MEIS1: variants seen among roughly 807,000 people sequenced by gnomAD.
MEIS1 encodes the protein Meis homeobox 1.
In MEIS1, 5 loss-of-function variants were observed where a neutral mutation model predicts 50.8. The observed-to-expected ratio is 0.10, with a 90% CI of 0.05 to 0.21. The LOEUF (loss-of-function observed/expected upper bound fraction) is 0.21. MEIS1 is among the 10% of genes least tolerant of loss of function. The pLI is 1.00. For missense variants in MEIS1, 318 were observed against 517.3 expected, an observed-to-expected ratio of 0.61 and a Z score of 3.74; for synonymous variants, 176 against 179.3, an observed-to-expected ratio of 0.98 and a Z score of 0.15.
At chr2:66,457,833 G>A (rs1672428997) in intron 6 of MEIS1, among the ~76,000 whole-genome samples, 1 of 152,216 alleles carries the variant, frequency 6.6e-6, no homozygotes, top group Non-Finnish European at 1.5e-5. Context: ...TGAGTACCAT[G>A]CACACTGGTG....
chr2:66,520,331 A>G (rs1289436167), intron 8 of MEIS1, among the ~76,000 whole-genome samples: 2 of 122,920 alleles, frequency 1.6e-5, no homozygotes, highest in African/African-American at 5.8e-5. Context: ...AAAAAAAAAA[A>G]TTAGCCGGGC....
In MEIS1 at chr2:66,540,717, A is replaced by C. The variant is rs1572890691; in HGVS notation, c.889-7226A>C. Among the ~76,000 whole-genome samples the C allele has an allele frequency of 2.0e-5, 3 of 152,254 alleles. No individual in the cohort carries two copies. In the South Asian group the frequency reaches 6.2e-4, roughly 31 times the overall value. ...AACATAATTTTAGCATCCTTCACGAATGTTAATCCATTTAGGAAGAGGATA... is the reference window on the plus strand; with the variant it reads ...AACATAATTTTAGCATCCTTCACGACTGTTAATCCATTTAGGAAGAGGATA... On this transcript the variant is annotated intron_variant, in intron 8 of 12. Coordinates refer to ENST00000272369, the MANE Select transcript of MEIS1 (RefSeq NM_002398.3).
chr2:66,498,500 A>C (rs1673465723), intron 7 of MEIS1, among the ~76,000 whole-genome samples: 1 of 152,178 alleles, frequency 6.6e-6, no homozygotes, highest in Admixed American at 6.5e-5. Context: ...ATACAGGTTG[A>C]GGAGATAAAG....
chr2:66,523,116 G>C (rs1674166345), intron 8 of MEIS1, among the ~76,000 whole-genome samples: 1 of 152,172 alleles, frequency 6.6e-6, no homozygotes, highest in Non-Finnish European at 1.5e-5. Flanking sequence ...CAATTTAAGG[G>C]AAATATTTAC....
intron 4 of MEIS1, chr2:66,440,927 C>A: frequency 2.3e-6 from 1 of 427,744 alleles, no homozygotes; most frequent in Admixed American, 4.0e-5. Flanking sequence ...TTAAACTTTG[C>A]GGACTTCCTA....
intron 7 of MEIS1, among the ~76,000 whole-genome samples, chr2:66,504,297 G>A (rs1195464030): frequency 6.6e-6 from 1 of 151,662 alleles, no homozygotes; most frequent in Non-Finnish European, 1.5e-5. Flanking sequence ...GCAGTGACGC[G>A]ACCTCAGCTC....
At chr2:66,446,864 C>T (rs1323443650) in intron 6 of MEIS1, among the ~76,000 whole-genome samples, 2 of 152,338 alleles carry the variant, frequency 1.3e-5, no homozygotes, top group East Asian at 1.9e-4. Flanking sequence ...GGGCCCGGTG[C>T]GCTTTGGTTC....
At chr2:66,482,975 C>T (rs1673053280) in intron 7 of MEIS1, among the ~76,000 whole-genome samples, 1 of 152,084 alleles carries the variant, frequency 6.6e-6, no homozygotes, top group South Asian at 2.1e-4. Context: ...CTTTTTTGGA[C>T]ACAGGAACAG....
intron 7 of MEIS1, among the ~76,000 whole-genome samples, chr2:66,492,133 G>A (rs1387207031): frequency 6.7e-6 from 1 of 150,108 alleles, no homozygotes; most frequent in Non-Finnish European, 1.5e-5. Context: ...CCTAGTGGAG[G>A]GGGGCTAGAG....
intron 8 of MEIS1, among the ~76,000 whole-genome samples, chr2:66,527,547 C>G (rs1488648090): frequency 6.6e-6 from 1 of 151,378 alleles, no homozygotes; most frequent in East Asian, 1.9e-4. Flanking sequence ...TTTGCTGTCC[C>G]TAGAGATCTC....
At chr2:66,499,031 G>A (rs573855515) in intron 7 of MEIS1, among the ~76,000 whole-genome samples, 208 of 152,262 alleles carry the variant, frequency 1.4e-3, no homozygotes, top group African/African-American at 4.7e-3. Flanking sequence ...ACAAGCCTAC[G>A]TCCCTGACTA....
chr2:66,482,088 T>A (rs11126081), intron 7 of MEIS1, among the ~76,000 whole-genome samples: 14,728 of 151,932 alleles, frequency 0.097, 1,407 homozygotes, highest in African/African-American at 0.25. Flanking sequence ...TCTCAATCTC[T>A]TGACCTTGTG....
At chr2:66,562,115 C>T (rs541741399) in intron 9 of MEIS1, 1 of 119,126 alleles carries the variant, frequency 8.4e-6, no homozygotes, top group Non-Finnish European at 1.6e-5. Context: ...AGGAAAAGGG[C>T]AAAGGTATGT....
intron 8 of MEIS1, among the ~76,000 whole-genome samples, chr2:66,517,320 T>C (rs1314021661): frequency 4.6e-5 from 7 of 152,194 alleles, no homozygotes; most frequent in Non-Finnish European, 7.4e-5. Context: ...CTTGTGGAGA[T>C]AGCAGGTAAC....
In MEIS1 at chr2:66,439,366, G is replaced by A. The variant is rs959028521; in HGVS notation, c.240-477G>A. On this transcript the variant is annotated intron_variant, in intron 2 of 12. Transcript: ENST00000272369. ...CCATGGACGTCCTTTCCCCAAGTTA[G>A]CTGAGCGCCTGCCACCGAGATCCCC... 4.0e-5 allele frequency: 50 copies of A among 1,245,108 alleles called. No homozygotes were observed. The African/African-American group carries it at 7.4e-4, about 18-fold the overall frequency. 77.1% of individuals were successfully genotyped at this position (1,245,108 alleles called of 1,614,324 possible). A position where few individuals can be genotyped will look rare whatever the true frequency, so the allele number is the denominator to read the frequency against.
intron 9 of MEIS1, among the ~76,000 whole-genome samples, chr2:66,559,608 A>T (rs184848715): frequency 4.6e-5 from 7 of 152,156 alleles, no homozygotes; most frequent in Non-Finnish European, 1.0e-4. Context: ...AGACATTATT[A>T]TACCTATTTT....
At position 66,568,664 on chromosome 2, in the gene MEIS1, T is replaced by C. The variant is rs1423398427; in HGVS notation, c.1025-3T>C. The C allele has an allele frequency of 6.2e-7, 1 of 1,612,800 alleles. No individual in the cohort carries two copies. Among genetic ancestry groups the C allele is most frequent in the Non-Finnish European group, 8.5e-7 (1 of 1,178,842 alleles). ...TAAAAAACCACATTCTGTACTTTTG[T>C]AGTAAGTCAAGGAACACCTTATAAT... On this transcript the variant is annotated splice_polypyrimidine_tract_variant and splice_region_variant and intron_variant, in intron 10 of 12. Transcript: ENST00000272369.
At chr2:66,537,730 A>C (rs996056468) in intron 8 of MEIS1, among the ~76,000 whole-genome samples, 1 of 152,204 alleles carries the variant, frequency 6.6e-6, no homozygotes, top group African/African-American at 2.4e-5. Context: ...GTAGTATTTC[A>C]TCTTCCTTGT....
intron 7 of MEIS1, among the ~76,000 whole-genome samples, chr2:66,507,727 G>C (rs1006670235): frequency 1.3e-5 from 2 of 152,168 alleles, no homozygotes; most frequent in African/African-American, 4.8e-5. Flanking sequence ...CTGCTGACAC[G>C]GTCAGTCTGA....
Sources: allele counts gnomAD v4.1 joint callset (sites outside exome capture counted in the v4.1 genomes callset), GRCh38; gene constraint gnomAD v4.1.1; transcripts MANE v1.5; gene names NCBI Gene and HGNC (gene_info 2026-07-23, HGNC 2026-07-21).